The following POU2F2 variants were observed in gnomAD, a reference collection of about 807,000 sequenced individuals.
POU2F2 encodes POU domain, class 2, transcription factor 2.
A neutral mutation model predicts 63.5 loss-of-function variants in POU2F2; 14 were observed. The observed-to-expected ratio is 0.22, with a 90% confidence interval of 0.15 to 0.34. POU2F2 has a LOEUF of 0.34. Among genes scored for constraint, POU2F2 ranks in the 10% least tolerant of loss-of-function variants. The pLI, the probability that POU2F2 is intolerant of heterozygous loss-of-function variation, is 1.00. For missense variants in POU2F2, 607 were observed against 815.2 expected, an observed-to-expected ratio of 0.74 and a Z score of 3.11; for synonymous variants, 306 against 348.6, an observed-to-expected ratio of 0.88 and a Z score of 1.36.
At position 42,096,641 on chromosome 19, in the gene POU2F2, C is replaced by T. The variant is rs1288172609; in HGVS notation, c.568-398G>A. The stretch of plus-strand genomic sequence containing the variant: ...CCAAATCACTGCTTAGCCCAGGCCT[C>T]ACTTTCCCCCTCTGCAGGATGGGAA... On this transcript the variant is annotated intron_variant, in intron 7 of 14. Transcript: ENST00000692977. This position sits in a 1 kb window ranked among gnomAD's most constrained non-coding sequence, Gnocchi z 4.1. 6.6e-6 allele frequency among the ~76,000 whole-genome samples: 1 copy of T among 152,226 alleles called. No homozygotes were observed. The highest frequency in any genetic ancestry group is 2.4e-5 in the African/African-American group (1 of 41,464).
At chr19:42,168,018 A>C (rs2146796919) in intron 1 of POU2F2, among the ~76,000 whole-genome samples, 1 of 152,294 alleles carries the variant, frequency 6.6e-6, no homozygotes, top group African/African-American at 2.4e-5. Context: ...CGTCAGTAGA[A>C]AGTAAGGGTG....
At chr19:42,145,095 A>G (rs2034203799) in intron 2 of POU2F2, among the ~76,000 whole-genome samples, 3 of 152,246 alleles carry the variant, frequency 2.0e-5, no homozygotes, top group African/African-American at 4.8e-5. Context: ...TTTTTACTTT[A>G]TAGTTGAATG....
chr19:42,091,962 C>T, intron 13 of POU2F2, 22 bp from the exon 14 acceptor site: 1 of 1,539,466 alleles, frequency 6.5e-7, no homozygotes, highest in Non-Finnish European at 8.8e-7. Flanking sequence ...AAAGCAGAGG[C>T]ATTAGCAGGG....
chr19:42,145,705 C>A (rs2034216358), intron 2 of POU2F2, among the ~76,000 whole-genome samples: 1 of 152,182 alleles, frequency 6.6e-6, no homozygotes, highest in Admixed American at 6.5e-5. Context: ...GAGGCCAAGG[C>A]AGGTGGATTG....
chr19:42,129,118 C>T (rs1337927458), intron 1 of POU2F2, among the ~76,000 whole-genome samples: 1 of 152,096 alleles, frequency 6.6e-6, no homozygotes, highest in African/African-American at 2.4e-5. Flanking sequence ...CAGGCATGAG[C>T]CACCGCACCC....
chr19:42,174,864 T>C (rs775239534), intron 1 of POU2F2, among the ~76,000 whole-genome samples: 9 of 152,112 alleles, frequency 5.9e-5, no homozygotes, highest in East Asian at 1.9e-4. Context: ...TAAAAGCTAC[T>C]GAGCGAAGCG....
intron 1 of POU2F2, among the ~76,000 whole-genome samples, chr19:42,193,885 G>A (rs2035100089): frequency 6.6e-6 from 1 of 152,158 alleles, no homozygotes; most frequent in African/African-American, 2.4e-5. Context: ...GTCAGTGCAT[G>A]AACTCATTGT....
chr19:42,167,621 T>TC (rs1481857046), intron 1 of POU2F2, among the ~76,000 whole-genome samples: 1 of 152,138 alleles, frequency 6.6e-6, no homozygotes, highest in Non-Finnish European at 1.5e-5. Flanking sequence ...GGCTTGAGCT[T>TC]CCAGAGCCAG....
intron 2 of POU2F2, among the ~76,000 whole-genome samples, chr19:42,143,493 G>A (rs2034169799): frequency 6.6e-6 from 1 of 152,172 alleles, no homozygotes; most frequent in Non-Finnish European, 1.5e-5. Context: ...CTTAATATAA[G>A]TTGTGTGCTC....
rs1568961603 is a variant in POU2F2 at position 42,089,789 on chromosome 19, G to T, written c.*1468C>A. On this transcript the variant is annotated 3_prime_UTR_variant, in exon 15 of 15. Coordinates refer to ENST00000692977, the MANE Select transcript of POU2F2 (RefSeq NM_001394376.1). ...TTAAATTTATTGTTTGTTTGTTTCT[G>T]TTTTTTTGGTTTTCGGTTCAAAACT... 6.7e-6 allele frequency: 1 copy of T among 149,548 alleles called. No individual in the cohort carries two copies. The highest frequency in any genetic ancestry group is 1.5e-5 in the Non-Finnish European group (1 of 67,422). 9.3% of individuals were successfully genotyped at this position (149,548 alleles called of 1,614,324 possible). A position where few individuals can be genotyped will look rare whatever the true frequency, so the allele number is the denominator to read the frequency against.
intron 2 of POU2F2, among the ~76,000 whole-genome samples, chr19:42,139,493 T>A (rs889537848): frequency 7.9e-5 from 12 of 152,116 alleles, no homozygotes; most frequent in African/African-American, 2.9e-4. Context: ...TTCTTTTATT[T>A]TATTTTACTT....
At chr19:42,157,819 G>A (rs2034484974) in intron 2 of POU2F2, among the ~76,000 whole-genome samples, 2 of 152,162 alleles carry the variant, frequency 1.3e-5, no homozygotes, top group Admixed American at 1.3e-4. Flanking sequence ...GTGGAGAGAA[G>A]GCCCTGCTGT....
chr19:42,160,586 T>G (rs2034534203), intron 1 of POU2F2, among the ~76,000 whole-genome samples: 2 of 152,222 alleles, frequency 1.3e-5, no homozygotes, highest in African/African-American at 4.8e-5. Context: ...TTCTGGCCTC[T>G]GAGCCTCTGT....
chr19:42,091,616 G>A, intron 14 of POU2F2, 25 bp from the exon 15 acceptor site: 2 of 1,542,388 alleles, frequency 1.3e-6, no homozygotes, highest in Non-Finnish European at 8.8e-7. Flanking sequence ...GAGAGGCTGG[G>A]CTAAGGGCAT....
chr19:42,171,227 G>A lies in POU2F2; in HGVS notation c.-70+4736C>T, dbSNP rs754470851. Among the ~76,000 whole-genome samples, 29 of 152,312 alleles carry A rather than the reference G, an allele frequency of 1.9e-4. No homozygotes were observed. In the Middle Eastern group the frequency reaches 0.017, roughly 89 times the overall value. The stretch of plus-strand genomic sequence containing the variant: ...TGAGGCTGTGTGTTTGAGTATGTGT[G>A]GAAGTCCGCTTGTAGGTATATGTGT... On this transcript the variant is annotated intron_variant, in intron 1 of 6. Coordinates refer to the POU2F2 transcript ENST00000524801.
chr19:42,134,101 A>G (rs967280072), upstream of POU2F2, among the ~76,000 whole-genome samples: 1 of 151,920 alleles, frequency 6.6e-6, no homozygotes, highest in Non-Finnish European at 1.5e-5. Flanking sequence ...TCCCGACAGC[A>G]GCCTGGTAGC....
intron 1 of POU2F2, among the ~76,000 whole-genome samples, chr19:42,131,028 T>C (rs1159614454): frequency 3.5e-4 from 12 of 34,074 alleles, no homozygotes; most frequent in Non-Finnish European, 3.8e-4. Context: ...GGGGCCTCCC[T>C]CATCCCAGCC....
chr19:42,168,421 C>T (rs1318989084), intron 1 of POU2F2, among the ~76,000 whole-genome samples: 1 of 152,234 alleles, frequency 6.6e-6, no homozygotes, highest in Non-Finnish European at 1.5e-5. Context: ...GGTCCCGTGA[C>T]CCTGGGCCTC....
At chr19:42,177,344 A>T (rs2034906020), upstream of POU2F2, 1 of 152,840 alleles carries the variant, frequency 6.5e-6, no homozygotes, top group African/African-American at 2.4e-5. Flanking sequence ...GCGCGAGCCC[A>T]GGCGCGCGCC....
Sources: gnomAD v4.1 joint callset for allele counts (sites outside exome capture counted in the v4.1 genomes callset) on GRCh38, gnomAD v4.1.1 for gene constraint, Gnocchi (gnomAD v3.1) non-coding constraint, MANE v1.5 for transcripts, NCBI Gene and HGNC (gene_info 2026-07-23, HGNC 2026-07-21) for gene names.